Variants in TOX4 observed in about 807,000 individuals in gnomAD.
TOX4 encodes the protein TOX high mobility group box family member 4, also known as epidermal Langerhans cell protein LCP1.
A neutral mutation model predicts 61.0 loss-of-function variants in TOX4; 12 were observed. That is an observed-to-expected ratio of 0.20 (90% confidence interval 0.13 to 0.32). The LOEUF is 0.32. Ranked by LOEUF, TOX4 falls within the 10% of genes least tolerant of loss-of-function variation. The pLI is 1.00. For synonymous variants in TOX4, 268 were observed against 274.8 expected (o/e 0.98, Z 0.24); for missense variants, 499 against 753.3 (o/e 0.66, Z 3.95).
At chr14:21,482,525 G>A (rs1236169200) in intron 2 of TOX4, 1 of 457,506 alleles carries the variant, frequency 2.2e-6, no homozygotes, top group Non-Finnish European at 4.5e-6. Context: ...AAGCATCTTT[G>A]CTTATAAACT....
chr14:21,481,703 C>G (rs1275554845), intron 2 of TOX4, among the ~76,000 whole-genome samples: 1 of 151,716 alleles, frequency 6.6e-6, no homozygotes, highest in African/African-American at 2.4e-5. Flanking sequence ...TGTCTATCAA[C>G]AGAAAAAAAT....
rs1370154381 is a variant in TOX4, at chr14:21,498,442, T to C, written c.*1836T>C. On this transcript the variant is annotated 3_prime_UTR_variant, in exon 9 of 9. Coordinates refer to ENST00000448790, the MANE Select transcript of TOX4 (RefSeq NM_014828.4). ...GGGTTTAATATTGTTAAAAAATGCATACCAAATGAAGACTGCCTATCATCA... is the reference window on the plus strand; with the variant it reads ...GGGTTTAATATTGTTAAAAAATGCACACCAAATGAAGACTGCCTATCATCA... 7.0e-7 allele frequency: 1 copy of C among 1,435,876 alleles called. No homozygotes were observed. The highest frequency in any genetic ancestry group is 9.7e-7 in the Non-Finnish European group (1 of 1,030,034). The allele number at this position is 1,435,876 out of a possible 1,614,324, so 88.9% of individuals were successfully genotyped here. A position where few individuals can be genotyped will look rare whatever the true frequency, so the allele number is the denominator to read the frequency against.
At chr14:21,477,792 A>G (rs1389223711) in intron 2 of TOX4, among the ~76,000 whole-genome samples, 1 of 152,218 alleles carries the variant, frequency 6.6e-6, no homozygotes, top group African/African-American at 2.4e-5. Flanking sequence ...TAACCTGTTT[A>G]AAGAGAAAAG....
At position 21,488,867 on chromosome 14, in the gene TOX4, C is replaced by A; in HGVS notation, c.579+17C>A. ...TTCCGGAGGGTGAGGCATTCCCTGT[C>A]AAAATCAATTCTGCTGTGATAGTCT... On this transcript the variant is annotated intron_variant, in intron 4 of 8. Transcript: ENST00000448790. The A allele has an allele frequency of 6.2e-7, 1 of 1,611,676 alleles. No individual in the cohort carries two copies. Among genetic ancestry groups the A allele is most frequent in the South Asian group, 1.1e-5 (1 of 90,920 alleles).
chr14:21,477,525 G>T lies in TOX4; in HGVS notation c.36G>T (p.Thr12=), dbSNP rs766127148. Residue 12 remains threonine (T), a synonymous_variant, in exon 2 of 9, where the codon ACG becomes ACT. Transcript: ENST00000448790. ...CCGGAGGAAATGACAATTACCTGAC[G>T]ATCACAGGGCCTTCGCACCCCTTCC... ...EFPGGNDNYL[T]ITGPSHPFLS... 6 of 1,613,546 alleles carry T rather than the reference G, an allele frequency of 3.7e-6. No homozygotes were observed. In the African/African-American group the frequency reaches 8.0e-5, roughly 22 times the overall value.
At chr14:21,491,426 C>T (rs1891287907) in intron 5 of TOX4, among the ~76,000 whole-genome samples, 2 of 152,026 alleles carry the variant, frequency 1.3e-5, no homozygotes, top group South Asian at 2.1e-4. Flanking sequence ...GTAGCACAAT[C>T]TTGGTTGACT....
chr14:21,477,416 T>A lies in TOX4; in HGVS notation c.7-80T>A, dbSNP rs1387740090. The A allele has an allele frequency of 1.3e-5, 21 of 1,609,852 alleles. No individual in the cohort carries two copies. In the Admixed American group the frequency reaches 2.5e-4, roughly 19 times the overall value. On this transcript the variant is annotated intron_variant, in intron 1 of 8. Coordinates refer to ENST00000448790, the MANE Select transcript of TOX4 (RefSeq NM_014828.4). ...CGGGGTTTGGGGAGTGTTGTCAGAATGTCAGGGTCAAAAGCCATCGCTCCA... is the reference window on the plus strand; with the variant it reads ...CGGGGTTTGGGGAGTGTTGTCAGAAAGTCAGGGTCAAAAGCCATCGCTCCA...
At chr14:21,480,577 C>T (rs1000199939) in intron 2 of TOX4, among the ~76,000 whole-genome samples, 4 of 151,382 alleles carry the variant, frequency 2.6e-5, no homozygotes, top group Admixed American at 1.3e-4. Flanking sequence ...TAGACTTTGC[C>T]GACCCTCCCC....
Position 21,489,333 on chromosome 14 carries a change from A to C in TOX4, c.740A>C (p.Asn247Thr). 2 of 1,614,196 alleles carry C rather than the reference A, an allele frequency of 1.2e-6. No homozygotes were observed. The highest frequency in any genetic ancestry group is 1.7e-6 in the Non-Finnish European group (2 of 1,180,028). The change falls in exon 5 of 9, where the codon AAT becomes ACT. Residue 247 changes from asparagine to threonine, a missense_variant. Coordinates refer to ENST00000448790, the MANE Select transcript of TOX4 (RefSeq NM_014828.4). The part of the protein sequence containing the change: ...TQAAIKGQNP[N>T]ATFGEVSKIV... ...GCTGCCATCAAGGGACAGAATCCTA[A>C]TGCCACTTTTGGTGAGGTTTCAAAA... is the stretch of plus-strand genomic sequence containing the variant.
intron 2 of TOX4, chr14:21,482,472 G>A (rs1247090170): frequency 2.3e-6 from 1 of 429,240 alleles, no homozygotes; most frequent in African/African-American, 2.1e-5. Flanking sequence ...ATGAAAAAAG[G>A]GAGGGAAATG....
At chr14:21,485,741 C>A (rs1891181953) in intron 2 of TOX4, among the ~76,000 whole-genome samples, 1 of 103,208 alleles carries the variant, frequency 9.7e-6, no homozygotes, top group African/African-American at 3.7e-5. Context: ...TGGCACACAC[C>A]TGTAGTCCTA....
chr14:21,496,905 CT>C lies in TOX4; in HGVS notation c.*301del. ...TGGGGTGGTGGTGGGGTTGAAGAAA[CT>C]TGTTGGTATAATTGTCATAGGACTT... On this transcript the variant is annotated 3_prime_UTR_variant, in exon 9 of 9. Coordinates refer to ENST00000448790, the MANE Select transcript of TOX4 (RefSeq NM_014828.4). The C allele has an allele frequency of 1.6e-5, 5 of 307,652 alleles. No homozygotes were observed. In the South Asian group the frequency reaches 2.4e-4, roughly 15 times the overall value. 19.1% of individuals were successfully genotyped at this position (307,652 alleles called of 1,614,324 possible).
At chr14:21,490,988 G>A (rs1397577472) in intron 5 of TOX4, among the ~76,000 whole-genome samples, 2 of 152,188 alleles carry the variant, frequency 1.3e-5, no homozygotes, top group Non-Finnish European at 2.9e-5. Flanking sequence ...GCCACACCCA[G>A]CTAATGTTGT....
In TOX4 at chr14:21,488,362, CTGAT is replaced by C. The variant is rs568782289; in HGVS notation, c.319-226_319-223del. On this transcript the variant is annotated intron_variant, in intron 3 of 8. Coordinates refer to ENST00000448790, the MANE Select transcript of TOX4 (RefSeq NM_014828.4). ...TGACTTGTCCAACAGTGCGACTTCT[CTGAT>C]TATTTTTAGTTCTTCTTTTGAGTGC... The C allele has an allele frequency of 6.6e-5, 34 of 518,698 alleles. No individual in the cohort carries two copies. The South Asian group carries it at 7.8e-4, about 12-fold the overall frequency. The allele number at this position is 518,698 out of a possible 1,614,324, so 32.1% of individuals were successfully genotyped here.
intron 6 of TOX4, 33 bp downstream of exon 6, chr14:21,492,409 C>G: frequency 6.2e-7 from 1 of 1,610,962 alleles, no homozygotes; most frequent in Non-Finnish European, 8.5e-7. Context: ...AATATTTAAA[C>G]CAGTAAGAAG....
intron 7 of TOX4, among the ~76,000 whole-genome samples, chr14:21,494,463 T>A (rs115030268): frequency 0.016 from 2,415 of 151,946 alleles, 54 homozygotes; most frequent in African/African-American, 0.054. Flanking sequence ...AAAAATTAGC[T>A]GGGGCTGGAA....
intron 2 of TOX4, among the ~76,000 whole-genome samples, chr14:21,478,058 T>G (rs1891034937): frequency 6.6e-6 from 1 of 152,234 alleles, no homozygotes; most frequent in Admixed American, 6.5e-5. Flanking sequence ...TGCCTCAGCC[T>G]CCCGAGTAGC....
chr14:21,490,245 G>A (rs1421770798), intron 5 of TOX4, among the ~76,000 whole-genome samples: 4 of 151,684 alleles, frequency 2.6e-5, no homozygotes, highest in African/African-American at 7.3e-5. Context: ...TTGGGAAGCC[G>A]AGGCAGGCGG....
intron 5 of TOX4, 127 bp from the exon 6 acceptor site, chr14:21,492,169 A>T: frequency 1.1e-6 from 1 of 871,492 alleles, no homozygotes; most frequent in Non-Finnish European, 1.8e-6. Context: ...AATTGAATTC[A>T]CTGATAGAGG....
Sources: allele counts gnomAD v4.1 joint callset (sites outside exome capture counted in the v4.1 genomes callset), GRCh38; gene constraint gnomAD v4.1.1; transcripts MANE v1.5; gene names NCBI Gene and HGNC (gene_info 2026-07-23, HGNC 2026-07-21).